LHX8: variants seen among roughly 807,000 people sequenced by gnomAD.
The protein encoded by LHX8 is LIM/homeobox protein Lhx8.
In LHX8, 12 loss-of-function variants were observed where a neutral mutation model predicts 40.3. That is an observed-to-expected ratio of 0.30 (90% confidence interval 0.19 to 0.48). LHX8 has a LOEUF of 0.48. LHX8 is among the 20% of genes least tolerant of loss of function. The pLI, the probability that LHX8 is intolerant of heterozygous loss-of-function variation, is 0.99. For synonymous variants in LHX8, 179 were observed against 162.0 expected (o/e 1.10, Z -0.80); for missense variants, 344 against 433.7 (o/e 0.79, Z 1.84).
upstream of LHX8, chr1:75,131,171 G>T (rs1212027099): frequency 1.8e-5 from 5 of 271,760 alleles, no homozygotes; most frequent in African/African-American, 1.1e-4. Context: ...GCTGTGCCTC[G>T]CCCCGATCTC....
chr1:75,132,745 C>T (rs1444508063), upstream of LHX8: 1 of 132,056 alleles, frequency 7.6e-6, no homozygotes, highest in Non-Finnish European at 1.6e-5. Context: ...CCCAGATTCA[C>T]TTTAAACCCT....
chr1:75,136,325 C>T (rs1183109485), intron 1 of LHX8, among the ~76,000 whole-genome samples: 1 of 151,994 alleles, frequency 6.6e-6, no homozygotes, highest in Non-Finnish European at 1.5e-5. Flanking sequence ...GGCGGGGGGG[C>T]GGGGAACCGA....
At chr1:75,164,737 T>C (rs1299512657), downstream of LHX8, among the ~76,000 whole-genome samples, 4 of 151,780 alleles carry the variant, frequency 2.6e-5, no homozygotes, top group African/African-American at 7.3e-5. Flanking sequence ...TTTTTTTTTT[T>C]TTTTTTTCCA....
chr1:75,194,503 T>C, the LHX8 span, among the ~76,000 whole-genome samples: 2 of 152,212 alleles, frequency 1.3e-5, no homozygotes, highest in Admixed American at 1.3e-4. Flanking sequence ...GAAATGTGCT[T>C]TCACTGTAAT....
chr1:75,178,535 T>C, the LHX8 span, among the ~76,000 whole-genome samples: 1 of 152,208 alleles, frequency 6.6e-6, no homozygotes, highest in African/African-American at 2.4e-5. Flanking sequence ...TTATCATTTT[T>C]TATTGCATCT....
chr1:75,156,971 G>T lies in LHX8; in HGVS notation c.859G>T (p.Val287Phe). 6.2e-7 allele frequency: 1 copy of T among 1,614,146 alleles called. No individual in the cohort carries two copies. Among genetic ancestry groups the T allele is most frequent in the Non-Finnish European group, 8.5e-7 (1 of 1,180,008 alleles). The change falls in exon 8 of 9, where the codon GTC (valine) becomes TTC (phenylalanine). Residue 287 changes from valine to phenylalanine, a missense_variant. Val to Phe is a conservative substitution (Grantham distance 50). Coordinates refer to ENST00000356261, the MANE Select transcript of LHX8 (RefSeq NM_001256114.2). ...NHSSSTPVTAVPPSRLSPPML... is the reference protein window; with the variant it reads ...NHSSSTPVTAFPPSRLSPPML... ...CTCATCCTCCACCCCAGTCACAGCAGTCCCACCCTCCAGGCTGTCTCCACC... is the reference window on the plus strand; with the variant it reads ...CTCATCCTCCACCCCAGTCACAGCATTCCCACCCTCCAGGCTGTCTCCACC...
intron 6 of LHX8, among the ~76,000 whole-genome samples, chr1:75,146,659 C>T (rs528832615): frequency 2.0e-5 from 3 of 152,172 alleles, no homozygotes; most frequent in African/African-American, 7.2e-5. Flanking sequence ...GCATTAGTGC[C>T]TAGAGAATAG....
Position 75,159,693 on chromosome 1 carries a change from C to G in LHX8, c.965-1126C>G, listed in dbSNP as rs996039490. 1.3e-5 allele frequency: 2 copies of G among 152,050 alleles called. 1 individual carries two copies. The highest frequency in any genetic ancestry group is 2.9e-5 in the Non-Finnish European group (2 of 67,984). 9.4% of individuals were successfully genotyped at this position (152,050 alleles called of 1,614,324 possible). A position where few individuals can be genotyped will look rare whatever the true frequency, so the allele number is the denominator to read the frequency against. Reference sequence around the variant, plus strand: ...TTTTCTTAATTTTCCTCTTTATTTTCTTTCAAGTCATGTCTTGTTATTTGT... The same window carrying G: ...TTTTCTTAATTTTCCTCTTTATTTTGTTTCAAGTCATGTCTTGTTATTTGT... On this transcript the variant is annotated intron_variant, in intron 8 of 8. Coordinates refer to ENST00000356261, the MANE Select transcript of LHX8 (RefSeq NM_001256114.2).
chr1:75,169,581 G>A, the LHX8 span, among the ~76,000 whole-genome samples: 3 of 152,026 alleles, frequency 2.0e-5, no homozygotes, highest in Non-Finnish European at 1.5e-5. Flanking sequence ...CTCACAAACC[G>A]TACTCCAATT....
At chr1:75,176,235 A>G in the LHX8 span, among the ~76,000 whole-genome samples, 2 of 152,330 alleles carry the variant, frequency 1.3e-5, no homozygotes, top group African/African-American at 4.8e-5. Flanking sequence ...TAGACCCTTG[A>G]GGAATCACCA....
At chr1:75,158,232 T>C (rs927242354) in intron 8 of LHX8, among the ~76,000 whole-genome samples, 1 of 152,226 alleles carries the variant, frequency 6.6e-6, no homozygotes, top group Non-Finnish European at 1.5e-5. Flanking sequence ...CTGGCTTGTC[T>C]TTATTATTTA....
chr1:75,136,708 G>C lies in LHX8; in HGVS notation c.75+19G>C. Reference sequence around the variant, plus strand: ...GGGACTGGTGAGTGCGGAGGGGCTCGCGTGCTGGCAAGACTGGCCGTGGGG... The same window carrying C: ...GGGACTGGTGAGTGCGGAGGGGCTCCCGTGCTGGCAAGACTGGCCGTGGGG... On this transcript the variant is annotated intron_variant, in intron 2 of 8. Transcript: ENST00000356261. 6.5e-7 allele frequency: 1 copy of C among 1,536,746 alleles called. No homozygotes were observed. Among genetic ancestry groups the C allele is most frequent in the Non-Finnish European group, 8.7e-7 (1 of 1,143,050 alleles).
At chr1:75,146,752 C>A (rs1648469679) in intron 6 of LHX8, among the ~76,000 whole-genome samples, 1 of 152,106 alleles carries the variant, frequency 6.6e-6, no homozygotes, top group Admixed American at 6.5e-5. Flanking sequence ...AAAGGAAGAA[C>A]AATCAACTCA....
chr1:75,198,216 C>G, the LHX8 span, among the ~76,000 whole-genome samples: 2 of 152,038 alleles, frequency 1.3e-5, no homozygotes, highest in African/African-American at 4.8e-5. Context: ...GGGAAAGTCA[C>G]CTATATCTTC....
At chr1:75,198,743 A>G in the LHX8 span, among the ~76,000 whole-genome samples, 2 of 152,160 alleles carry the variant, frequency 1.3e-5, no homozygotes, top group Non-Finnish European at 2.9e-5. Flanking sequence ...TCATTTTCAT[A>G]ATTTTTTTCC....
chr1:75,164,432 T>C (rs1648990660), downstream of LHX8, among the ~76,000 whole-genome samples: 1 of 152,184 alleles, frequency 6.6e-6, no homozygotes, highest in African/African-American at 2.4e-5. Flanking sequence ...TCTTTGTGGC[T>C]ACCTGCTACC....
At chr1:75,148,523 A>T in intron 6 of LHX8, 64 bp from the exon 7 acceptor site, 1 of 1,109,984 alleles carries the variant, frequency 9.0e-7, no homozygotes, top group South Asian at 1.3e-5. Context: ...TATGATAAAA[A>T]TGCAGGAAGA....
In LHX8 at chr1:75,143,229, CA is replaced by C; in HGVS notation, c.475del (p.Arg159GlyfsTer29). 6.2e-7 allele frequency: 1 copy of C among 1,613,756 alleles called. No individual in the cohort carries two copies. Among genetic ancestry groups the C allele is most frequent in the Non-Finnish European group, 8.5e-7 (1 of 1,179,772 alleles). On this transcript the variant is annotated frameshift_variant, in exon 5 of 9. Transcript: ENST00000356261. LOFTEE classifies it high-confidence loss of function. Reference protein sequence around the residue: ...HLACFACFSCKRQLSTGEEFA... With the variant: ...HLACFACFSCXRQLSTGEEFA... ...TGGCATGCTTTGCCTGCTTTTCCTG[CA>C]AAAGGCAACTTTCCACAGGAGAGGA...
the LHX8 span, among the ~76,000 whole-genome samples, chr1:75,184,861 C>A: frequency 6.8e-6 from 1 of 147,416 alleles, no homozygotes; most frequent in Admixed American, 6.8e-5. Context: ...AGGCCATTAG[C>A]TAAACTAATA....
Sources: gnomAD v4.1 joint callset for allele counts (sites outside exome capture counted in the v4.1 genomes callset) on GRCh38, gnomAD v4.1.1 for gene constraint, MANE v1.5 for transcripts, NCBI Gene and HGNC (gene_info 2026-07-23, HGNC 2026-07-21) for gene names.